Variants in FER observed in about 807,000 individuals in gnomAD.
FER encodes the protein tyrosine-protein kinase Fer.
A neutral mutation model predicts 111.0 loss-of-function variants in FER; 63 were observed. The observed-to-expected ratio is 0.57, with a 90% CI of 0.46 to 0.70. FER has a LOEUF of 0.70. FER is among the 30% of genes least tolerant of loss of function. FER has a pLI of 0.00. For synonymous variants in FER, 327 were observed against 313.9 expected (o/e 1.04, Z -0.44); for missense variants, 914 against 954.0 (o/e 0.96, Z 0.55).
At chr5:108,882,414 CATTT>C (rs1765771425) in intron 8 of FER, among the ~76,000 whole-genome samples, 1 of 151,756 alleles carries the variant, frequency 6.6e-6, no homozygotes, top group Non-Finnish European at 1.5e-5. Flanking sequence ...GCTTATTGAT[CATTT>C]AATTTTTTCA....
chr5:108,866,106 A>G (rs1764025834), intron 5 of FER, among the ~76,000 whole-genome samples: 1 of 152,202 alleles, frequency 6.6e-6, no homozygotes, highest in South Asian at 2.1e-4. Flanking sequence ...AAAATATTAT[A>G]AATCATGCTG....
At chr5:109,080,040 C>G (rs1450416379) in intron 16 of FER, among the ~76,000 whole-genome samples, 1 of 151,978 alleles carries the variant, frequency 6.6e-6, no homozygotes, top group African/African-American at 2.4e-5. Context: ...TTGATAAATA[C>G]ATTTTTCCTC....
intron 17 of FER, among the ~76,000 whole-genome samples, chr5:109,130,686 A>T (rs1018275010): frequency 6.6e-6 from 1 of 151,812 alleles, no homozygotes; most frequent in Non-Finnish European, 1.5e-5. Flanking sequence ...TTGTTTTGTC[A>T]TAGAAATTTT....
intron 17 of FER, among the ~76,000 whole-genome samples, chr5:109,129,836 C>A (rs1043708301): frequency 1.3e-5 from 2 of 152,022 alleles, no homozygotes; most frequent in South Asian, 4.1e-4. Context: ...ATCAAAACAT[C>A]AAATATGTGT....
intron 2 of FER, among the ~76,000 whole-genome samples, chr5:108,777,245 GTCTTAT>G (rs1753590438): frequency 1.3e-5 from 2 of 152,276 alleles, no homozygotes; most frequent in East Asian, 1.9e-4. Flanking sequence ...TCTGTAGCTG[GTCTTAT>G]TCTTATTTTT....
At position 108,959,218 on chromosome 5, in the gene FER, T is replaced by G; in HGVS notation, c.1534-7T>G. 1 of 1,609,526 alleles carries G rather than the reference T, an allele frequency of 6.2e-7. No homozygotes were observed. Among genetic ancestry groups the G allele is most frequent in the Non-Finnish European group, 8.5e-7 (1 of 1,177,750 alleles). ...ACATTTATTCTACCTTATTGTTCTCTCTCCAGAACATGTATCGATTCGAGG... is the reference window on the plus strand; with the variant it reads ...ACATTTATTCTACCTTATTGTTCTCGCTCCAGAACATGTATCGATTCGAGG... On this transcript the variant is annotated splice_polypyrimidine_tract_variant and splice_region_variant and intron_variant, in intron 12 of 19. Coordinates refer to ENST00000281092, the MANE Select transcript of FER (RefSeq NM_005246.4).
At chr5:108,909,047 A>G (rs1751189528) in intron 10 of FER, among the ~76,000 whole-genome samples, 1 of 152,140 alleles carries the variant, frequency 6.6e-6, no homozygotes, top group African/African-American at 2.4e-5. Flanking sequence ...CAAACAAAAC[A>G]ATTATGTTTG....
intron 17 of FER, among the ~76,000 whole-genome samples, chr5:109,105,559 T>C (rs948516770): frequency 6.6e-6 from 1 of 152,174 alleles, no homozygotes; most frequent in Admixed American, 6.5e-5. Flanking sequence ...ACTCGTGATC[T>C]ACCATATACT....
intron 13 of FER, among the ~76,000 whole-genome samples, chr5:109,034,654 G>A (rs1770110412): frequency 6.6e-6 from 1 of 151,932 alleles, no homozygotes; most frequent in Admixed American, 6.6e-5. Flanking sequence ...TGGATGTTTA[G>A]GGGTTTTCTT....
chr5:108,785,095 C>A, intron 2 of FER: 1 of 445,214 alleles, frequency 2.2e-6, no homozygotes, highest in South Asian at 3.2e-5. Context: ...GCAACCCTAT[C>A]ACTGTCTCCT....
intron 17 of FER, among the ~76,000 whole-genome samples, chr5:109,146,580 T>G (rs935831513): frequency 5.3e-5 from 8 of 152,022 alleles, no homozygotes; most frequent in African/African-American, 1.2e-4. Context: ...ATGGCAAAAT[T>G]TTTAAATTAT....
chr5:108,883,648 T>C, intron 9 of FER, 130 bp downstream of exon 9: 1 of 740,874 alleles, frequency 1.3e-6, no homozygotes, highest in Non-Finnish European at 1.9e-6. Flanking sequence ...TGAAGTTTTG[T>C]ATAGTTAATT....
chr5:108,924,360 CAAAAAA>C (rs59469649), intron 10 of FER, among the ~76,000 whole-genome samples: 25,330 of 99,002 alleles, frequency 0.26, 2,592 homozygotes, highest in African/African-American at 0.38. Flanking sequence ...AACTCTGTCT[CAAAAAA>C]AAAAAAAAAA....
At chr5:108,846,314 G>T (rs1009120887) in intron 5 of FER, among the ~76,000 whole-genome samples, 1 of 151,950 alleles carries the variant, frequency 6.6e-6, no homozygotes, top group African/African-American at 2.4e-5. Context: ...GGCATGTGTT[G>T]GTTGTCCCAG....
intron 17 of FER, among the ~76,000 whole-genome samples, chr5:109,173,929 A>G (rs1187186680): frequency 1.3e-5 from 2 of 152,218 alleles, no homozygotes; most frequent in South Asian, 2.1e-4. Flanking sequence ...ACAAAAAAGC[A>G]CAAATTATGC....
At chr5:109,047,027 G>T in intron 15 of FER, 77 bp from the exon 16 acceptor site, 2 of 736,258 alleles carry the variant, frequency 2.7e-6, no homozygotes, top group South Asian at 2.1e-5. Flanking sequence ...TATTCTAGTT[G>T]TAAACCCTAT....
chr5:108,846,979 T>G (rs1010836936), intron 5 of FER, among the ~76,000 whole-genome samples: 3 of 151,982 alleles, frequency 2.0e-5, no homozygotes, highest in African/African-American at 7.2e-5. Flanking sequence ...TTTTTTCTTC[T>G]GTTTTTGTGA....
Position 108,801,331 on chromosome 5 carries a change from C to G in FER, c.207+2942C>G, listed in dbSNP as rs181280126. 2.7e-3 allele frequency among the ~76,000 whole-genome samples: 412 copies of G among 152,262 alleles called. 1 individual carries two copies. Among genetic ancestry groups the G allele is most frequent in the South Asian group, 0.011 (54 of 4,834 alleles). ...ACCATAATGCGAGTCTATTTTTATA[C>G]TCTTTATTCTGTTCCATTCATATTT... On this transcript the variant is annotated intron_variant, in intron 3 of 19. Transcript: ENST00000281092.
intron 16 of FER, among the ~76,000 whole-genome samples, chr5:109,082,635 AT>A (rs76751860): frequency 0.35 from 51,809 of 150,142 alleles, 9,200 homozygotes; most frequent in Middle Eastern, 0.42. Context: ...AGAGAAAGGG[AT>A]TTTTTTTTTG....
Sources: allele counts gnomAD v4.1 joint callset (sites outside exome capture counted in the v4.1 genomes callset), GRCh38; gene constraint gnomAD v4.1.1; transcripts MANE v1.5; gene names NCBI Gene and HGNC (gene_info 2026-07-23, HGNC 2026-07-21).